Variants in FAM114A2 observed in about 807,000 individuals in gnomAD.
FAM114A2 encodes the protein protein FAM114A2.
In FAM114A2, 53 loss-of-function variants were observed where a neutral mutation model predicts 58.4. That is an observed-to-expected ratio of 0.91 (90% confidence interval 0.73 to 1.14). The LOEUF is 1.14. Among genes scored for constraint, FAM114A2 ranks in the 50% most tolerant of loss-of-function variants. The pLI, the probability that FAM114A2 is intolerant of heterozygous loss-of-function variation, is 0.00. For missense variants in FAM114A2, 601 were observed against 581.1 expected, an observed-to-expected ratio of 1.03 and a Z score of -0.35; for synonymous variants, 228 against 211.4, an observed-to-expected ratio of 1.08 and a Z score of -0.68.
chr5:154,018,589 G>A (rs1416701218), intron 8 of FAM114A2, among the ~76,000 whole-genome samples: 1 of 151,946 alleles, frequency 6.6e-6, no homozygotes, highest in Non-Finnish European at 1.5e-5. Context: ...CCAAAACCAG[G>A]AAAGAACATA....
intron 9 of FAM114A2, among the ~76,000 whole-genome samples, chr5:154,005,265 G>A (rs1366489483): frequency 6.6e-6 from 1 of 152,144 alleles, no homozygotes; most frequent in Non-Finnish European, 1.5e-5. Flanking sequence ...CTTAGTTCAT[G>A]TGACCTGGGT....
At chr5:154,021,260 C>T (rs1002103393) in intron 8 of FAM114A2, among the ~76,000 whole-genome samples, 7 of 152,162 alleles carry the variant, frequency 4.6e-5, no homozygotes, top group East Asian at 1.9e-4. Flanking sequence ...CCTCTCTCAC[C>T]GCTCCTATTC....
At chr5:154,034,244 C>A in intron 3 of FAM114A2, 34 bp downstream of exon 3, 1 of 1,278,120 alleles carries the variant, frequency 7.8e-7, no homozygotes, top group Non-Finnish European at 1.1e-6. Context: ...AATAAATACA[C>A]ACACAAAAAT....
intron 13 of FAM114A2, among the ~76,000 whole-genome samples, chr5:153,993,315 G>A (rs1266072851): frequency 6.6e-6 from 1 of 152,008 alleles, no homozygotes; most frequent in Non-Finnish European, 1.5e-5. Context: ...CACCAAAAGA[G>A]AATGTCAGCA....
chr5:154,012,751 T>C (rs1301206261), intron 8 of FAM114A2, among the ~76,000 whole-genome samples: 1 of 152,224 alleles, frequency 6.6e-6, no homozygotes, highest in Non-Finnish European at 1.5e-5. Flanking sequence ...AAACAACTGC[T>C]AATAATATCC....
In FAM114A2 at chr5:154,012,118, A is replaced by T. The variant is rs181677407; in HGVS notation, c.914-798T>A. On this transcript the variant is annotated intron_variant, in intron 8 of 13. Transcript: ENST00000351797. ...AGGCTGAGGCAATAATCTAGGATCC[A>T]GGTAAGACAAAATGGTGGATAAGAA... Among the ~76,000 whole-genome samples the T allele has an allele frequency of 5.9e-5, 9 of 152,300 alleles. No individual in the cohort carries two copies. In the East Asian group the frequency reaches 1.7e-3, roughly 29 times the overall value.
intron 8 of FAM114A2, among the ~76,000 whole-genome samples, chr5:154,022,128 T>G (rs1254736724): frequency 6.6e-6 from 1 of 152,138 alleles, no homozygotes; most frequent in Admixed American, 6.5e-5. Context: ...CCTTACACCT[T>G]ATACAAAAAT....
intron 9 of FAM114A2, among the ~76,000 whole-genome samples, chr5:154,003,913 T>A (rs1486113840): frequency 6.6e-6 from 1 of 152,206 alleles, no homozygotes; most frequent in Non-Finnish European, 1.5e-5. Context: ...AGACCACATA[T>A]ATAATGGTGG....
chr5:153,996,173 G>A (rs1319747939), intron 12 of FAM114A2, among the ~76,000 whole-genome samples: 3 of 152,106 alleles, frequency 2.0e-5, no homozygotes, highest in African/African-American at 4.8e-5. Flanking sequence ...ATATCAAGAC[G>A]ATATGACACT....
intron 9 of FAM114A2, among the ~76,000 whole-genome samples, chr5:154,004,431 C>A (rs549635274): frequency 1.3e-5 from 2 of 152,298 alleles, no homozygotes; most frequent in South Asian, 2.1e-4. Flanking sequence ...CCTCAACCTG[C>A]TGTTGACTCT....
rs1769225369 is a variant in FAM114A2, at chr5:153,990,968, T to C, written c.*2008A>G. The C allele has an allele frequency of 6.6e-6, 1 of 152,236 alleles. No homozygotes were observed. Among genetic ancestry groups the C allele is most frequent in the African/African-American group, 2.4e-5 (1 of 41,460 alleles). 9.4% of individuals were successfully genotyped at this position (152,236 alleles called of 1,614,324 possible). ...AATGTTTATGTTTCTCTATGTCTAC[T>C]GGATCAAGGAATCTTAATTCTTTTT... is the stretch of plus-strand genomic sequence containing the variant. On this transcript the variant is annotated 3_prime_UTR_variant, in exon 14 of 14. Coordinates refer to ENST00000351797, the MANE Select transcript of FAM114A2 (RefSeq NM_018691.4).
At chr5:154,028,969 T>C (rs74497985) in intron 5 of FAM114A2, among the ~76,000 whole-genome samples, 5,724 of 152,228 alleles carry the variant, frequency 0.038, 273 homozygotes, top group African/African-American at 0.11. Flanking sequence ...AAACAACACT[T>C]GTTACATTCT....
At chr5:154,015,556 T>C (rs1770984881) in intron 8 of FAM114A2, among the ~76,000 whole-genome samples, 1 of 152,086 alleles carries the variant, frequency 6.6e-6, no homozygotes, top group East Asian at 1.9e-4. Flanking sequence ...GGAAGTCACA[T>C]CCTTAGGAAA....
At chr5:154,036,613 C>T (rs915806259) in intron 1 of FAM114A2, 6 of 152,198 alleles carry the variant, frequency 3.9e-5, no homozygotes, top group African/African-American at 1.4e-4. Context: ...TGCATTCAGT[C>T]CAACACACAA....
intron 8 of FAM114A2, among the ~76,000 whole-genome samples, chr5:154,013,159 T>C (rs867026417): frequency 1.3e-5 from 2 of 152,232 alleles, no homozygotes; most frequent in Non-Finnish European, 1.5e-5. Context: ...TCATCTACTG[T>C]TTAGAATTGA....
chr5:153,992,814 T>G lies in FAM114A2; in HGVS notation c.*162A>C, dbSNP rs1769316287. 3.9e-6 allele frequency: 2 copies of G among 514,540 alleles called. No individual in the cohort carries two copies. The highest frequency in any genetic ancestry group is 3.9e-5 in the African/African-American group (2 of 51,642). 31.9% of individuals were successfully genotyped at this position (514,540 alleles called of 1,614,324 possible). ...AGAATACTGTGAGAACCTGAATACT[T>G]CAATCAAACACTGAAGGCAACAATC... On this transcript the variant is annotated 3_prime_UTR_variant, in exon 14 of 14. Coordinates refer to ENST00000351797, the MANE Select transcript of FAM114A2 (RefSeq NM_018691.4).
chr5:153,993,094 G>A lies in FAM114A2; in HGVS notation c.1400C>T (p.Ser467Phe), dbSNP rs909758019. 1 of 1,609,530 alleles carries A rather than the reference G, an allele frequency of 6.2e-7. No homozygotes were observed. Among genetic ancestry groups the A allele is most frequent in the Non-Finnish European group, 8.5e-7 (1 of 1,177,742 alleles). The change falls in exon 14 of 14, where the codon TCC (serine) becomes TTC (phenylalanine). Residue 467 changes from serine (S) to phenylalanine (F), a missense_variant. Ser to Phe is a radical substitution (Grantham distance 155, BLOSUM62 -2). Coordinates refer to ENST00000351797, the MANE Select transcript of FAM114A2 (RefSeq NM_018691.4). ...AVFLEASNSA[S>F]YIQDAFQLLL... ...TAGCTGAAAGGCGTCCTGGATGTAG[G>A]AGGCACTGTTTGATGCCTGCCAGGA...
intron 6 of FAM114A2, among the ~76,000 whole-genome samples, chr5:154,027,869 A>G (rs994499658): frequency 6.6e-6 from 1 of 152,162 alleles, no homozygotes; most frequent in African/African-American, 2.4e-5. Flanking sequence ...AGTGATTTAA[A>G]CATTAAAACA....
intron 8 of FAM114A2, among the ~76,000 whole-genome samples, chr5:154,012,069 T>C (rs496618): frequency 0.61 from 93,150 of 151,602 alleles, 29,111 homozygotes; most frequent in East Asian, 0.87. Context: ...GAGAATGGAT[T>C]AGAAGGCGGA....
Sources: allele counts gnomAD v4.1 joint callset (sites outside exome capture counted in the v4.1 genomes callset), GRCh38; gene constraint gnomAD v4.1.1; transcripts MANE v1.5; gene names NCBI Gene and HGNC (gene_info 2026-07-23, HGNC 2026-07-21).